EPHA5: variants seen among roughly 807,000 people sequenced by gnomAD.
EPHA5 encodes the protein EPH receptor A5, also known as ephrin type-A receptor 5.
Under a neutral mutation model 105.0 loss-of-function variants are expected in EPHA5, and 60 were observed. The ratio of observed to expected loss-of-function variants is 0.57; its 90% CI spans 0.46 to 0.71. EPHA5 has a LOEUF of 0.71. Among genes scored for constraint, EPHA5 ranks in the 30% least tolerant of loss-of-function variants. The pLI, the probability that EPHA5 is intolerant of heterozygous loss-of-function variation, is 0.00. For missense variants in EPHA5, 1,218 were observed against 1,274.7 expected, an observed-to-expected ratio of 0.96 and a Z score of 0.68; for synonymous variants, 513 against 449.1, an observed-to-expected ratio of 1.14 and a Z score of -1.80.
At chr4:65,531,015 ATTTTTTT>A (rs200655975) in intron 3 of EPHA5, among the ~76,000 whole-genome samples, 1 of 107,182 alleles carries the variant, frequency 9.3e-6, no homozygotes, top group African/African-American at 3.6e-5. Context: ...TATTTTTTTT[ATTTTTTT>A]TATTTTTTTT....
At chr4:65,353,716 T>A (rs1577896595) in intron 11 of EPHA5, among the ~76,000 whole-genome samples, 1 of 151,932 alleles carries the variant, frequency 6.6e-6, no homozygotes, top group East Asian at 1.9e-4. Context: ...CCATCCTATC[T>A]AACTGCCCTG....
chr4:65,459,799 A>G (rs1727955751), intron 5 of EPHA5, among the ~76,000 whole-genome samples: 1 of 151,842 alleles, frequency 6.6e-6, no homozygotes, highest in Admixed American at 6.5e-5. Flanking sequence ...ATGAGTCAAT[A>G]TGGGAGACAG....
chr4:65,485,151 T>C (rs1334850135), intron 5 of EPHA5, among the ~76,000 whole-genome samples: 2 of 151,888 alleles, frequency 1.3e-5, no homozygotes, highest in African/African-American at 4.8e-5. Flanking sequence ...GTATATCCAC[T>C]ATTTGCATAT....
At chr4:65,555,341 G>T (rs1738321820) in intron 3 of EPHA5, among the ~76,000 whole-genome samples, 1 of 151,934 alleles carries the variant, frequency 6.6e-6, no homozygotes, top group African/African-American at 2.4e-5. Context: ...TGAAAATCGT[G>T]ATTTTAAATA....
intron 7 of EPHA5, among the ~76,000 whole-genome samples, chr4:65,407,604 T>C (rs1722485480): frequency 6.6e-6 from 1 of 151,854 alleles, no homozygotes; most frequent in Non-Finnish European, 1.5e-5. Flanking sequence ...TGAAATCAGA[T>C]CATTTTTGTA....
intron 5 of EPHA5, among the ~76,000 whole-genome samples, chr4:65,461,681 A>G (rs1728135125): frequency 6.6e-6 from 1 of 152,066 alleles, no homozygotes; most frequent in South Asian, 2.1e-4. Flanking sequence ...CATAAAAGAT[A>G]TATAAACCTT....
intron 3 of EPHA5, among the ~76,000 whole-genome samples, chr4:65,585,808 A>G (rs1190527839): frequency 6.6e-6 from 1 of 151,750 alleles, no homozygotes; most frequent in African/African-American, 2.4e-5. Context: ...ATTTACACAA[A>G]ATAAAGGAGC....
chr4:65,440,423 A>G (rs1358867917), intron 5 of EPHA5, among the ~76,000 whole-genome samples: 1 of 151,732 alleles, frequency 6.6e-6, no homozygotes, highest in Non-Finnish European at 1.5e-5. Flanking sequence ...TTTAGTAATA[A>G]TCATACAGAA....
intron 8 of EPHA5, among the ~76,000 whole-genome samples, chr4:65,401,972 C>A (rs1476958865): frequency 6.6e-6 from 1 of 151,920 alleles, no homozygotes; most frequent in African/African-American, 2.4e-5. Context: ...TGTGTCCCCA[C>A]CCAAATCTCA....
chr4:65,481,715 G>A (rs547472345), intron 5 of EPHA5, among the ~76,000 whole-genome samples: 48 of 152,280 alleles, frequency 3.2e-4, no homozygotes, highest in African/African-American at 1.2e-3. Context: ...ATTTGTAAAT[G>A]CATGGGGGAA....
At position 65,602,315 on chromosome 4, in the gene EPHA5, T is replaced by A. The variant is rs770071183; in HGVS notation, c.247-11A>T. ...ACCAATCTCTTCCCACTGTACAATA[T>A]AAAATAGAAAGATAAAAAAAATTCA... On this transcript the variant is annotated splice_polypyrimidine_tract_variant and intron_variant, in intron 2 of 16. Transcript: ENST00000613740. The A allele has an allele frequency of 6.9e-7, 1 of 1,457,954 alleles. No individual in the cohort carries two copies. The highest frequency in any genetic ancestry group is 1.3e-5 in the South Asian group (1 of 75,032). The allele number at this position is 1,457,954 out of a possible 1,614,324, so 90.3% of individuals were successfully genotyped here.
intron 11 of EPHA5, among the ~76,000 whole-genome samples, chr4:65,363,512 T>C (rs1321856903): frequency 1.3e-5 from 2 of 151,584 alleles, no homozygotes; most frequent in African/African-American, 2.4e-5. Flanking sequence ...TAACTCATTA[T>C]GAAGGGTAGA....
At chr4:65,530,280 T>C (rs1735641912) in intron 3 of EPHA5, among the ~76,000 whole-genome samples, 1 of 152,122 alleles carries the variant, frequency 6.6e-6, no homozygotes, top group Non-Finnish European at 1.5e-5. Context: ...GAGCATAGAT[T>C]TAACGGCTGT....
At chr4:65,628,126 T>C (rs1340845819) in intron 2 of EPHA5, among the ~76,000 whole-genome samples, 7 of 152,076 alleles carry the variant, frequency 4.6e-5, no homozygotes, top group African/African-American at 1.7e-4. Context: ...TTAAGTATAT[T>C]GAAACACACT....
chr4:65,374,050 A>G (rs1718752328), intron 8 of EPHA5, among the ~76,000 whole-genome samples: 1 of 151,990 alleles, frequency 6.6e-6, no homozygotes, highest in Non-Finnish European at 1.5e-5. Context: ...GAAAGTAGAG[A>G]CATTATTACA....
At chr4:65,667,064 T>G (rs1750027504) in intron 1 of EPHA5, among the ~76,000 whole-genome samples, 2 of 152,180 alleles carry the variant, frequency 1.3e-5, no homozygotes. Flanking sequence ...AAAAAGTGAT[T>G]AATGAGTTCA....
intron 11 of EPHA5, 94 bp from the exon 12 acceptor site, chr4:65,353,197 T>C: frequency 3.4e-6 from 1 of 291,786 alleles, no homozygotes; most frequent in Non-Finnish European, 6.1e-6. Flanking sequence ...AGTGTCAAAA[T>C]TGTATATATA....
chr4:65,659,529 G>A, intron 1 of EPHA5, among the ~76,000 whole-genome samples: 1 of 151,516 alleles, frequency 6.6e-6, no homozygotes, highest in South Asian at 2.1e-4. Context: ...TTAATGAGAG[G>A]GAAAAAATTA....
At chr4:65,446,975 ATTTTTTTTTTTT>A (rs397993760) in intron 5 of EPHA5, among the ~76,000 whole-genome samples, 1 of 112,918 alleles carries the variant, frequency 8.9e-6, no homozygotes, top group South Asian at 2.8e-4. Flanking sequence ...TTAAAAGCTC[ATTTTTTTTTTTT>A]TTTTTTTTTT....
Sources: gnomAD v4.1 joint callset for allele counts (sites outside exome capture counted in the v4.1 genomes callset) on GRCh38, gnomAD v4.1.1 for gene constraint, MANE v1.5 for transcripts, NCBI Gene and HGNC (gene_info 2026-07-23, HGNC 2026-07-21) for gene names.